KCNF1: variants seen among roughly 807,000 people sequenced by gnomAD.
KCNF1 encodes the protein potassium voltage-gated channel modifier subfamily F member 1.
Under a neutral mutation model 28.6 loss-of-function variants are expected in KCNF1, and 9 were observed. The observed-to-expected ratio is 0.31, with a 90% confidence interval of 0.19 to 0.55. KCNF1 has a LOEUF of 0.55. KCNF1 is among the 20% of genes least tolerant of loss of function. KCNF1 has a pLI of 0.93. For synonymous variants in KCNF1, 328 were observed against 299.6 expected (o/e 1.09, Z -0.98); for missense variants, 461 against 684.2 (o/e 0.67, Z 3.64).
Position 10,912,463 on chromosome 2 carries a change from G to A in KCNF1, c.37G>A (p.Gly13Ser), listed in dbSNP as rs550642036. 9 of 1,479,468 alleles carry A rather than the reference G, an allele frequency of 6.1e-6. No homozygotes were observed. In the Admixed American group the frequency reaches 2.2e-4, roughly 36 times the overall value. The allele number at this position is 1,479,468 out of a possible 1,614,324, so 91.6% of individuals were successfully genotyped here. A position where few individuals can be genotyped will look rare whatever the true frequency, so the allele number is the denominator to read the frequency against. Residue 13 changes from glycine to serine, a missense_variant, in exon 1 of 1, where the codon GGC becomes AGC. Physicochemically the swap from Gly to Ser is moderately conservative, Grantham distance 56. Coordinates refer to ENST00000295082, the MANE Select transcript of KCNF1 (RefSeq NM_002236.5). This position sits in a 1 kb window ranked among gnomAD's most constrained non-coding sequence, Gnocchi z 7.9. ...GSGERSLPEP[G>S]SQSSAASDDI... ...CGGGGAGCGCAGCCTCCCGGAGCCG[G>A]GCAGCCAGAGCTCCGCTGCCAGCGA...
In KCNF1 at chr2:10,912,913, C is replaced by A. The variant is rs759669416; in HGVS notation, c.487C>A (p.Arg163Ser). The A allele has an allele frequency of 6.8e-6, 11 of 1,610,238 alleles. No individual in the cohort carries two copies. The highest frequency in any genetic ancestry group is 3.3e-4 in the Middle Eastern group (2 of 6,038). ...GGACGCAGCCGAGGGCCGCTGGCGC[C>A]GCTGCCAGAAGTGCGTCTGGAAGTT... is the stretch of plus-strand genomic sequence containing the variant. ...GVDAAEGRWR[R>S]CQKCVWKFLE... Residue 163 changes from arginine to serine, a missense_variant, in exon 1 of 1, where the codon CGC becomes AGC. Physicochemically the swap from Arg to Ser is moderately radical, Grantham distance 110 (BLOSUM62 -1). Around this residue, in one of 4 missense-constraint regions of KCNF1, gnomAD observed 193 missense variants for 280.6 expected, o/e 0.69. Coordinates refer to ENST00000295082, the MANE Select transcript of KCNF1 (RefSeq NM_002236.5). This position sits in a 1 kb window ranked among gnomAD's most constrained non-coding sequence, Gnocchi z 7.9.
chr2:10,912,304 G>A lies in KCNF1; in HGVS notation c.-123G>A, dbSNP rs1558489213. 2 of 738,966 alleles carry A rather than the reference G, an allele frequency of 2.7e-6. No individual in the cohort carries two copies. Among genetic ancestry groups the A allele is most frequent in the Non-Finnish European group, 3.6e-6 (2 of 560,134 alleles). The allele number at this position is 738,966 out of a possible 1,614,324, so 45.8% of individuals were successfully genotyped here. ...GCTGTGACCGCCCTTCCCCGCAGGCGGGCGCCGGCCAGGCTCTCCCCGAGA... is the reference window on the plus strand; with the variant it reads ...GCTGTGACCGCCCTTCCCCGCAGGCAGGCGCCGGCCAGGCTCTCCCCGAGA... On this transcript the variant is annotated 5_prime_UTR_variant, in exon 1 of 1. Transcript: ENST00000295082. This position sits in a 1 kb window ranked among gnomAD's most constrained non-coding sequence, Gnocchi z 7.9.
In KCNF1 at chr2:10,912,359, C is replaced by G; in HGVS notation, c.-68C>G. ...CGCACGGGTGGCACCCGCCGGACCC[C>G]CAGCGGCAGCGGCGGCGGCGGCTGC... On this transcript the variant is annotated 5_prime_UTR_variant, in exon 1 of 1. Transcript: ENST00000295082. This position sits in a 1 kb window ranked among gnomAD's most constrained non-coding sequence, Gnocchi z 7.9. 1.7e-6 allele frequency: 2 copies of G among 1,177,920 alleles called. No homozygotes were observed. Among genetic ancestry groups the G allele is most frequent in the Non-Finnish European group, 2.1e-6 (2 of 945,296 alleles). The allele number at this position is 1,177,920 out of a possible 1,614,324, so 73.0% of individuals were successfully genotyped here.
rs753288456 is a variant in KCNF1 at position 10,913,390 on chromosome 2, A to C, written c.964A>C (p.Lys322Gln). ...TLTYALKRSFKELGLLLMYLA... is the reference protein window; with the variant it reads ...TLTYALKRSFQELGLLLMYLA... Reference sequence around the variant, plus strand: ...CACCTATGCCCTCAAGCGCAGCTTCAAGGAACTGGGGCTGCTGCTCATGTA... The same window carrying C: ...CACCTATGCCCTCAAGCGCAGCTTCCAGGAACTGGGGCTGCTGCTCATGTA... Residue 322 changes from lysine (K) to glutamine (Q), a missense_variant, in exon 1 of 1, where the codon AAG becomes CAG. Coordinates refer to ENST00000295082, the MANE Select transcript of KCNF1 (RefSeq NM_002236.5). This position sits in a 1 kb window ranked among gnomAD's most constrained non-coding sequence, Gnocchi z 5.5. 7.4e-6 allele frequency: 12 copies of C among 1,613,960 alleles called. No individual in the cohort carries two copies. Among genetic ancestry groups the C allele is most frequent in the Non-Finnish European group, 1.0e-5 (12 of 1,179,874 alleles).
Position 10,913,661 on chromosome 2 carries a change from AC to A in KCNF1, c.1236del (p.Tyr413ThrfsTer17). On this transcript the variant is annotated frameshift_variant, in exon 1 of 1. Transcript: ENST00000295082. LOFTEE classifies it high-confidence loss of function. The surrounding 1 kb of genome is among the most constrained non-coding windows in gnomAD (Gnocchi z 5.5). Reference sequence around the variant, plus strand: ...CCCATCATCAACAACTTTGTCAGGTACTACAACAAGCAGCGCGTCCTGGAGA... The same window carrying A: ...CCCATCATCAACAACTTTGTCAGGTATACAACAAGCAGCGCGTCCTGGAGA... The part of the protein sequence containing the change: ...IHPIINNFVR[Y>X]YNKQRVLETA... 1 of 1,613,608 alleles carries A rather than the reference AC, an allele frequency of 6.2e-7. No homozygotes were observed. Among genetic ancestry groups the A allele is most frequent in the Non-Finnish European group, 8.5e-7 (1 of 1,180,034 alleles).
rs1661586373 is a variant in KCNF1 at position 10,913,990 on chromosome 2, G to A, written c.*79G>A. 2 of 1,442,040 alleles carry A rather than the reference G, an allele frequency of 1.4e-6. No individual in the cohort carries two copies. The highest frequency in any genetic ancestry group is 1.4e-5 in the African/African-American group (1 of 70,054). The allele number at this position is 1,442,040 out of a possible 1,614,324, so 89.3% of individuals were successfully genotyped here. A position where few individuals can be genotyped will look rare whatever the true frequency, so the allele number is the denominator to read the frequency against. ...TGGCAGGCATGTCATCGACAGCACAGAAGGGCTGTCCTGTGTCCCCCCAAC... is the reference window on the plus strand; with the variant it reads ...TGGCAGGCATGTCATCGACAGCACAAAAGGGCTGTCCTGTGTCCCCCCAAC... On this transcript the variant is annotated 3_prime_UTR_variant, in exon 1 of 1. Transcript: ENST00000295082. The surrounding 1 kb of genome is among the most constrained non-coding windows in gnomAD (Gnocchi z 5.5).
At position 10,912,342 on chromosome 2, in the gene KCNF1, T is replaced by A. The variant is rs1308703944; in HGVS notation, c.-85T>A. The A allele has an allele frequency of 1.2e-5, 13 of 1,073,572 alleles. No individual in the cohort carries two copies. The highest frequency in any genetic ancestry group is 1.5e-5 in the Non-Finnish European group (13 of 858,234). The allele number at this position is 1,073,572 out of a possible 1,614,324, so 66.5% of individuals were successfully genotyped here. A position where few individuals can be genotyped will look rare whatever the true frequency, so the allele number is the denominator to read the frequency against. ...GCTCTCCCCGAGATCAGCGCACGGG[T>A]GGCACCCGCCGGACCCCCAGCGGCA... On this transcript the variant is annotated 5_prime_UTR_variant, in exon 1 of 1. Transcript: ENST00000295082. This position sits in a 1 kb window ranked among gnomAD's most constrained non-coding sequence, Gnocchi z 7.9.
In KCNF1 at chr2:10,913,134, G is replaced by A. The variant is rs1661567620; in HGVS notation, c.708G>A (p.Glu236=). The A allele has an allele frequency of 6.2e-7, 1 of 1,612,614 alleles. No individual in the cohort carries two copies. Among genetic ancestry groups the A allele is most frequent in the South Asian group, 1.1e-5 (1 of 91,092 alleles). The change falls in exon 1 of 1, where the codon GAG becomes GAA. Residue 236 remains glutamate (E), a synonymous_variant. Transcript: ENST00000295082. The surrounding 1 kb of genome is among the most constrained non-coding windows in gnomAD (Gnocchi z 5.5). ...CGTGCATTGGCTGGTTCACCCTGGAGTACCTGCTGCGCCTCTTCTCGTCAC... is the reference window on the plus strand; with the variant it reads ...CGTGCATTGGCTGGTTCACCCTGGAATACCTGCTGCGCCTCTTCTCGTCAC... The part of the protein sequence containing the change: ...ETACIGWFTL[E]YLLRLFSSPN...
rs763611972 is a variant in KCNF1, at chr2:10,913,739, G to A, written c.1313G>A (p.Gly438Asp). 182 of 1,613,334 alleles carry A rather than the reference G, an allele frequency of 1.1e-4. No homozygotes were observed. Among genetic ancestry groups the A allele is most frequent in the Non-Finnish European group, 1.4e-4 (165 of 1,179,840 alleles). ...ATGGAACTCAACTCCAGCAGCGGGG[G>A]CGAGGGCAAGACCGGGGGCTCCCGC... The part of the protein sequence containing the change: ...ELMELNSSSG[G>D]EGKTGGSRSD... Residue 438 changes from glycine (G) to aspartate (D), a missense_variant, in exon 1 of 1, where the codon GGC becomes GAC. Coordinates refer to ENST00000295082, the MANE Select transcript of KCNF1 (RefSeq NM_002236.5). The surrounding 1 kb of genome is among the most constrained non-coding windows in gnomAD (Gnocchi z 5.5).
chr2:10,913,692 G>C lies in KCNF1; in HGVS notation c.1266G>C (p.Ala422=). Residue 422 remains alanine (A), a synonymous_variant, in exon 1 of 1, where the codon GCG becomes GCC. Transcript: ENST00000295082. The surrounding 1 kb of genome is among the most constrained non-coding windows in gnomAD (Gnocchi z 5.5). ...ACAAGCAGCGCGTCCTGGAGACCGC[G>C]GCCAAGCACGAGCTGGAGCTGATGG... ...YYNKQRVLET[A]AKHELELMEL... is the part of the protein sequence containing the mutation. 1.9e-6 allele frequency: 3 copies of C among 1,613,936 alleles called. No individual in the cohort carries two copies. The highest frequency in any genetic ancestry group is 1.7e-6 in the Non-Finnish European group (2 of 1,180,022).
chr2:10,912,462 G>C lies in KCNF1; in HGVS notation c.36G>C (p.Pro12=), dbSNP rs1233363611. Reference sequence around the variant, plus strand: ...CCGGGGAGCGCAGCCTCCCGGAGCCGGGCAGCCAGAGCTCCGCTGCCAGCG... The same window carrying C: ...CCGGGGAGCGCAGCCTCCCGGAGCCCGGCAGCCAGAGCTCCGCTGCCAGCG... ...DGSGERSLPE[P]GSQSSAASDD... The change falls in exon 1 of 1, where the codon CCG becomes CCC. Residue 12 remains proline, a synonymous_variant. Coordinates refer to ENST00000295082, the MANE Select transcript of KCNF1 (RefSeq NM_002236.5). The surrounding 1 kb of genome is among the most constrained non-coding windows in gnomAD (Gnocchi z 7.9). 1.4e-6 allele frequency: 2 copies of C among 1,476,908 alleles called. No homozygotes were observed. The highest frequency in any genetic ancestry group is 1.8e-6 in the Non-Finnish European group (2 of 1,114,710). 91.5% of individuals were successfully genotyped at this position (1,476,908 alleles called of 1,614,324 possible).
chr2:10,913,893 G>C lies in KCNF1; in HGVS notation c.1467G>C (p.Arg489=). 6.6e-7 allele frequency: 1 copy of C among 1,520,800 alleles called. No individual in the cohort carries two copies. Among genetic ancestry groups the C allele is most frequent in the Non-Finnish European group, 8.8e-7 (1 of 1,136,762 alleles). The allele number at this position is 1,520,800 out of a possible 1,614,324, so 94.2% of individuals were successfully genotyped here. A position where few individuals can be genotyped will look rare whatever the true frequency, so the allele number is the denominator to read the frequency against. ...CCGAGGAGAAGCACCACAGGACCCGGCTCCAGAGTTGCAAGTGACAGGAGG... is the reference window on the plus strand; with the variant it reads ...CCGAGGAGAAGCACCACAGGACCCGCCTCCAGAGTTGCAAGTGACAGGAGG... The part of the protein sequence containing the change: ...LLTEEKHHRT[R]LQSCK Residue 489 remains arginine, a synonymous_variant, in exon 1 of 1, where the codon CGG becomes CGC. Transcript: ENST00000295082. The surrounding 1 kb of genome is among the most constrained non-coding windows in gnomAD (Gnocchi z 5.5).
At position 10,913,752 on chromosome 2, in the gene KCNF1, C is replaced by A. The variant is rs752912706; in HGVS notation, c.1326C>A (p.Thr442=). 6.2e-7 allele frequency: 1 copy of A among 1,612,198 alleles called. No individual in the cohort carries two copies. Among genetic ancestry groups the A allele is most frequent in the Non-Finnish European group, 8.5e-7 (1 of 1,179,308 alleles). The change falls in exon 1 of 1, where the codon ACC becomes ACA. Residue 442 remains threonine (T), a synonymous_variant. Coordinates refer to ENST00000295082, the MANE Select transcript of KCNF1 (RefSeq NM_002236.5). This position sits in a 1 kb window ranked among gnomAD's most constrained non-coding sequence, Gnocchi z 5.5. ...CCAGCAGCGGGGGCGAGGGCAAGAC[C>A]GGGGGCTCCCGCAGTGACCTGGACA... is the stretch of plus-strand genomic sequence containing the variant. The part of the protein sequence containing the change: ...LNSSSGGEGK[T]GGSRSDLDNL...
chr2:10,912,628 G>C lies in KCNF1; in HGVS notation c.202G>C (p.Asp68His). The C allele has an allele frequency of 6.2e-7, 1 of 1,613,812 alleles. No homozygotes were observed. The highest frequency in any genetic ancestry group is 8.5e-7 in the Non-Finnish European group (1 of 1,179,900). The change falls in exon 1 of 1, where the codon GAC becomes CAC. Residue 68 changes from aspartate to histidine, a missense_variant. By Grantham distance (81) the Asp-to-His change is moderately conservative (BLOSUM62 -1). This residue lies in a region of KCNF1 where 193 missense variants were observed against 280.6 expected (regional missense o/e 0.69). Coordinates refer to ENST00000295082, the MANE Select transcript of KCNF1 (RefSeq NM_002236.5). This position sits in a 1 kb window ranked among gnomAD's most constrained non-coding sequence, Gnocchi z 7.9. ...GGYDTIFSLC[D>H]DYDPGKREFY... ...CTACGACACCATCTTCTCCCTGTGC[G>C]ACGACTACGACCCCGGCAAGCGCGA...
chr2:10,913,243 A>G lies in KCNF1; in HGVS notation c.817A>G (p.Thr273Ala). Residue 273 changes from threonine (T) to alanine (A), a missense_variant, in exon 1 of 1, where the codon ACG (threonine) becomes GCG (alanine). Coordinates refer to ENST00000295082, the MANE Select transcript of KCNF1 (RefSeq NM_002236.5). This position sits in a 1 kb window ranked among gnomAD's most constrained non-coding sequence, Gnocchi z 5.5. ...CCCCTTCTACGTGAGCCTCACGCTC[A>G]CGCACCTGGGTGCCCGCATGATGGA... ...ILPFYVSLTL[T>A]HLGARMMELT... The G allele has an allele frequency of 1.2e-6, 2 of 1,613,500 alleles. No homozygotes were observed. The highest frequency in any genetic ancestry group is 1.7e-6 in the Non-Finnish European group (2 of 1,180,018).
In KCNF1 at chr2:10,913,317, C is replaced by A. The variant is rs559871658; in HGVS notation, c.891C>A (p.Ile297=). 1.2e-6 allele frequency: 2 copies of A among 1,612,842 alleles called. No homozygotes were observed. The highest frequency in any genetic ancestry group is 8.5e-7 in the Non-Finnish European group (1 of 1,179,762). The change falls in exon 1 of 1, where the codon ATC becomes ATA. Residue 297 remains isoleucine (I), a synonymous_variant. Coordinates refer to ENST00000295082, the MANE Select transcript of KCNF1 (RefSeq NM_002236.5). This position sits in a 1 kb window ranked among gnomAD's most constrained non-coding sequence, Gnocchi z 5.5. The part of the protein sequence containing the change: ...QAVQALRIMR[I]ARIFKLARHS... ...TGCAGGCGCTGCGGATCATGCGCATCGCGCGCATCTTCAAGCTGGCCCGCC... is the reference window on the plus strand; with the variant it reads ...TGCAGGCGCTGCGGATCATGCGCATAGCGCGCATCTTCAAGCTGGCCCGCC...
Position 10,912,914 on chromosome 2 carries a change from G to T in KCNF1, c.488G>T (p.Arg163Leu). 6.2e-7 allele frequency: 1 copy of T among 1,609,960 alleles called. No homozygotes were observed. ...GVDAAEGRWR[R>L]CQKCVWKFLE... Reference sequence around the variant, plus strand: ...GACGCAGCCGAGGGCCGCTGGCGCCGCTGCCAGAAGTGCGTCTGGAAGTTC... The same window carrying T: ...GACGCAGCCGAGGGCCGCTGGCGCCTCTGCCAGAAGTGCGTCTGGAAGTTC... Residue 163 changes from arginine (R) to leucine (L), a missense_variant, in exon 1 of 1, where the codon CGC becomes CTC. By Grantham distance (102) the Arg-to-Leu change is moderately radical. This residue lies in a region of KCNF1 where 193 missense variants were observed against 280.6 expected (regional missense o/e 0.69). Coordinates refer to ENST00000295082, the MANE Select transcript of KCNF1 (RefSeq NM_002236.5). The surrounding 1 kb of genome is among the most constrained non-coding windows in gnomAD (Gnocchi z 7.9).
At position 10,913,546 on chromosome 2, in the gene KCNF1, G is replaced by C; in HGVS notation, c.1120G>C (p.Gly374Arg). The C allele has an allele frequency of 6.2e-7, 1 of 1,613,750 alleles. No homozygotes were observed. The highest frequency in any genetic ancestry group is 8.5e-7 in the Non-Finnish European group (1 of 1,180,024). ...AIITMTTVGY[G>R]DIYPKTTLGK... is the part of the protein sequence containing the mutation. ...CATCACCATGACCACCGTCGGCTAC[G>C]GCGACATCTACCCCAAGACCACGCT... Residue 374 changes from glycine to arginine, a missense_variant, in exon 1 of 1, where the codon GGC becomes CGC. Physicochemically the swap from Gly to Arg is moderately radical, Grantham distance 125. This residue lies in a region of KCNF1 where 115 missense variants were observed against 261.6 expected (regional missense o/e 0.44). Transcript: ENST00000295082. The surrounding 1 kb of genome is among the most constrained non-coding windows in gnomAD (Gnocchi z 5.5).
Position 10,912,231 on chromosome 2 carries a change from C to T in KCNF1, c.-196C>T, listed in dbSNP as rs1362655239. 1 of 193,820 alleles carries T rather than the reference C, an allele frequency of 5.2e-6. No individual in the cohort carries two copies. Among genetic ancestry groups the T allele is most frequent in the Non-Finnish European group, 9.5e-6 (1 of 105,032 alleles). The allele number at this position is 193,820 out of a possible 1,614,324, so 12.0% of individuals were successfully genotyped here. A position where few individuals can be genotyped will look rare whatever the true frequency, so the allele number is the denominator to read the frequency against. On this transcript the variant is annotated 5_prime_UTR_variant, in exon 1 of 1. Coordinates refer to ENST00000295082, the MANE Select transcript of KCNF1 (RefSeq NM_002236.5). The surrounding 1 kb of genome is among the most constrained non-coding windows in gnomAD (Gnocchi z 7.9). ...CCCGGATGCCAGCCCCGAGCCCCGC[C>T]GCCGGGTGCATGCCTCCCCCGCGGC...
Sources: allele counts gnomAD v4.1 joint callset, GRCh38; gene constraint gnomAD v4.1.1; regional missense constraint gnomAD v4.1.1; non-coding constraint Gnocchi (gnomAD v3.1); transcripts MANE v1.5; gene names NCBI Gene and HGNC (gene_info 2026-07-23, HGNC 2026-07-21).